The following NLRP14 variants were observed in gnomAD, a reference collection of about 807,000 sequenced individuals.
NLRP14 encodes NLR family pyrin domain containing 14.
NLRP14 carries 105 observed loss-of-function variants against 94.7 expected under a neutral mutation model. That is an observed-to-expected ratio of 1.11 (90% confidence interval 0.95 to 1.30). The LOEUF (loss-of-function observed/expected upper bound fraction) is 1.30. Among genes scored for constraint, NLRP14 ranks in the 50% most tolerant of loss-of-function variants. The pLI is 0.00. For synonymous variants in NLRP14, 508 were observed against 459.9 expected, an observed-to-expected ratio of 1.10 and a Z score of -1.34; for missense variants, 1,362 against 1,254.1, an observed-to-expected ratio of 1.09 and a Z score of -1.30.
intron 1 of NLRP14, among the ~76,000 whole-genome samples, chr11:7,022,153 C>T (rs1314015095): frequency 2.0e-5 from 3 of 152,128 alleles, no homozygotes; most frequent in African/African-American, 7.2e-5. Context: ...TATCTGCCTC[C>T]GTCCACCACA....
chr11:7,075,495 A>G (rs2119450775), downstream of NLRP14, among the ~76,000 whole-genome samples: 1 of 152,338 alleles, frequency 6.6e-6, no homozygotes, highest in South Asian at 2.1e-4. Context: ...TAGTTTTATA[A>G]CATGATGAGG....
the NLRP14 span, among the ~76,000 whole-genome samples, chr11:7,088,580 C>T: frequency 6.6e-6 from 1 of 151,886 alleles, no homozygotes; most frequent in Non-Finnish European, 1.5e-5. Context: ...ATAGACGAGG[C>T]TAAAAGCTGA....
rs774475930 is a variant in NLRP14, at chr11:7,046,803, G to A, written c.2094G>A (p.Arg698=). ...TGAATATCCTGCATCATGAACTAAG[G>A]CACCCAAACTGTAAACTACAAAAGC... ...SAMNILHHEL[R]HPNCKLQKLL... is the part of the protein sequence containing the mutation. Residue 698 remains arginine, a synonymous_variant, in exon 5 of 12, where the codon AGG becomes AGA. Coordinates refer to ENST00000299481, the MANE Select transcript of NLRP14 (RefSeq NM_176822.4). 4.3e-6 allele frequency: 7 copies of A among 1,613,518 alleles called. No individual in the cohort carries two copies. The Admixed American group carries it at 5.0e-5, about 12-fold the overall frequency.
At chr11:7,034,558 TG>T (rs1206333391) in intron 1 of NLRP14, among the ~76,000 whole-genome samples, 2 of 152,240 alleles carry the variant, frequency 1.3e-5, no homozygotes, top group Non-Finnish European at 2.9e-5. Flanking sequence ...ACACTTCAGT[TG>T]TTTATTTGCC....
intron 1 of NLRP14, among the ~76,000 whole-genome samples, chr11:7,033,369 C>T (rs760111303): frequency 6.6e-6 from 1 of 152,136 alleles, no homozygotes; most frequent in African/African-American, 2.4e-5. Context: ...TTTCTTGTCA[C>T]CCAATTTCCC....
intron 6 of NLRP14, among the ~76,000 whole-genome samples, chr11:7,053,895 T>C (rs182457040): frequency 2.8e-4 from 43 of 152,274 alleles, no homozygotes; most frequent in African/African-American, 1.0e-3. Context: ...GTCTTATTCA[T>C]TATTTCTAAC....
At chr11:7,022,580 G>A (rs1400599469) in intron 1 of NLRP14, among the ~76,000 whole-genome samples, 1 of 152,136 alleles carries the variant, frequency 6.6e-6, no homozygotes, top group Non-Finnish European at 1.5e-5. Context: ...AAAACTTGGT[G>A]GTTTTCTCTT....
intron 6 of NLRP14, among the ~76,000 whole-genome samples, 192 bp from the exon 7 acceptor site, chr11:7,057,485 C>A (rs370075216): frequency 1.3e-5 from 2 of 152,044 alleles, no homozygotes; most frequent in Non-Finnish European, 2.9e-5. Flanking sequence ...TAAACAATCT[C>A]CTTCCCTTCC....
At chr11:7,065,809 A>G (rs1451079830) in intron 10 of NLRP14, among the ~76,000 whole-genome samples, 1 of 152,000 alleles carries the variant, frequency 6.6e-6, no homozygotes, top group Admixed American at 6.6e-5. Context: ...TGCTGCACCC[A>G]TCAACCCATC....
At chr11:7,085,002 ACT>A in the NLRP14 span, among the ~76,000 whole-genome samples, 4 of 151,850 alleles carry the variant, frequency 2.6e-5, no homozygotes, top group African/African-American at 9.7e-5. Flanking sequence ...GAGGGGAAAA[ACT>A]CTGTGTTTCA....
intron 1 of NLRP14, among the ~76,000 whole-genome samples, chr11:7,034,028 A>G (rs1195703558): frequency 6.6e-6 from 1 of 152,020 alleles, no homozygotes; most frequent in Non-Finnish European, 1.5e-5. Flanking sequence ...AAGTTTCTCC[A>G]CTGTCCCCAC....
chr11:7,036,098 T>C (rs867403464), intron 1 of NLRP14, among the ~76,000 whole-genome samples: 6 of 152,352 alleles, frequency 3.9e-5, no homozygotes, highest in South Asian at 4.1e-4. Context: ...CTCACAAATA[T>C]AGTCATTATT....
intron 6 of NLRP14, among the ~76,000 whole-genome samples, chr11:7,051,358 A>G (rs1239193661): frequency 6.6e-6 from 1 of 152,194 alleles, no homozygotes; most frequent in African/African-American, 2.4e-5. Context: ...AGCCATGGGT[A>G]GTATGAATGT....
the NLRP14 span, among the ~76,000 whole-genome samples, chr11:7,080,785 C>T: frequency 1.1e-4 from 16 of 152,296 alleles, no homozygotes; most frequent in Middle Eastern, 6.8e-3. Flanking sequence ...GAAAGAAACA[C>T]GAAACACGGC....
rs142876811 is a variant in NLRP14 at position 7,038,666 on chromosome 11, T to C, written c.80T>C (p.Leu27Ser). The change falls in exon 2 of 12, where the codon TTA becomes TCA. Residue 27 changes from leucine (L) to serine (S), a missense_variant. By Grantham distance (145) the Leu-to-Ser change is moderately radical. Transcript: ENST00000299481. ...TTGGAGGAGCTAAACAAAGAGGAAT[T>C]AAATACATTCAAGTTATTCCTAAAG... ...LYLEELNKEE[L>S]NTFKLFLKET... The C allele has an allele frequency of 3.1e-6, 5 of 1,613,476 alleles. No homozygotes were observed. In the African/African-American group the frequency reaches 6.7e-5, roughly 22 times the overall value.
At chr11:7,070,890 A>T (rs1852784126) in intron 11 of NLRP14, among the ~76,000 whole-genome samples, 2 of 152,182 alleles carry the variant, frequency 1.3e-5, no homozygotes, top group African/African-American at 4.8e-5. Context: ...ATCAGTAGTA[A>T]TATTAATTTT....
chr11:7,078,481 T>G, the NLRP14 span, among the ~76,000 whole-genome samples: 4 of 131,152 alleles, frequency 3.0e-5, no homozygotes, highest in East Asian at 9.3e-4. Flanking sequence ...TTGAATTAGA[T>G]TAAATTACAT....
the NLRP14 span, chr11:7,089,071 G>GCCGCCTCA: frequency 5.7e-6 from 9 of 1,583,812 alleles, no homozygotes; most frequent in South Asian, 1.1e-5. Flanking sequence ...TGCGACTGGC[G>GCCGCCTCA]CCGCCTCACC....
At chr11:7,090,618 G>A in the NLRP14 span, 1 of 403,302 alleles carries the variant, frequency 2.5e-6, no homozygotes. Context: ...TGATAAATGA[G>A]GCAAACAGTT....
Sources: allele counts gnomAD v4.1 joint callset (sites outside exome capture counted in the v4.1 genomes callset), GRCh38; gene constraint gnomAD v4.1.1; transcripts MANE v1.5; gene names NCBI Gene and HGNC (gene_info 2026-07-23, HGNC 2026-07-21).